Variants in TBC1D30 observed in about 807,000 individuals in gnomAD.
TBC1D30 encodes the protein TBC1 domain family member 30.
TBC1D30 carries 31 observed loss-of-function variants against 63.2 expected under a neutral mutation model. The observed-to-expected ratio is 0.49, with a 90% confidence interval of 0.37 to 0.66. The LOEUF (loss-of-function observed/expected upper bound fraction) is 0.66. TBC1D30 is among the 30% of genes least tolerant of loss of function. The pLI, the probability that TBC1D30 is intolerant of heterozygous loss-of-function variation, is 0.00. For synonymous variants in TBC1D30, 307 were observed against 361.5 expected, an observed-to-expected ratio of 0.85 and a Z score of 1.71; for missense variants, 810 against 953.6, an observed-to-expected ratio of 0.85 and a Z score of 1.98.
chr12:64,829,945 G>C (rs1289066317), intron 3 of TBC1D30, among the ~76,000 whole-genome samples: 2 of 152,180 alleles, frequency 1.3e-5, no homozygotes, highest in Admixed American at 1.3e-4. Context: ...TAAAGGCAGA[G>C]GCCACTCCAT....
intron 8 of TBC1D30, among the ~76,000 whole-genome samples, chr12:64,858,583 T>A (rs1385215573): frequency 2.0e-5 from 3 of 152,186 alleles, no homozygotes; most frequent in East Asian, 3.8e-4. Flanking sequence ...GGGCCTGGAA[T>A]AGGGGCCCAG....
At chr12:64,833,464 C>G (rs1439103890) in intron 5 of TBC1D30, among the ~76,000 whole-genome samples, 1 of 152,114 alleles carries the variant, frequency 6.6e-6, no homozygotes, top group East Asian at 1.9e-4. Context: ...TTAAACTGCT[C>G]TTGATTGCAA....
At chr12:64,759,595 A>C (rs936832095) in exon 1 of TBC1D30, 1 of 318,628 alleles carries the variant, frequency 3.1e-6, no homozygotes, top group African/African-American at 2.3e-5. Context: ...GGAGAACCGG[A>C]GAAAAGGGCG....
intron 5 of TBC1D30, 121 bp downstream of exon 5, chr12:64,832,425 AC>A: frequency 2.1e-6 from 2 of 967,890 alleles, no homozygotes; most frequent in South Asian, 3.6e-5. Flanking sequence ...CTTTGTAATG[AC>A]CTATGATAGC....
intron 10 of TBC1D30, 48 bp from the exon 11 acceptor site, chr12:64,870,554 T>G: frequency 6.9e-7 from 1 of 1,456,392 alleles, no homozygotes; most frequent in Non-Finnish European, 9.3e-7. Context: ...CATTTACTCC[T>G]GTTCCCCTCC....
rs774145443 is a variant in TBC1D30, at chr12:64,807,918, G to GTTTTTTT, written c.644-19906_644-19900dup. 3.3e-4 allele frequency among the ~76,000 whole-genome samples: 31 copies of GTTTTTTT among 93,498 alleles called. 3 individuals are homozygous for GTTTTTTT. Among genetic ancestry groups the GTTTTTTT allele is most frequent in the African/African-American group, 1.3e-3 (23 of 18,122 alleles). The allele number at this position is 93,498 out of a possible 152,430, so 61.3% of individuals were successfully genotyped here. A position where few individuals can be genotyped will look rare whatever the true frequency, so the allele number is the denominator to read the frequency against. ...GCCCATGCCACCCTGCCTAATTTAA[G>GTTTTTTT]TTTTTTTTTTTTTTTTTGTAGAGCT... On this transcript the variant is annotated intron_variant, in intron 2 of 12. Coordinates refer to the TBC1D30 transcript ENST00000542120.
At chr12:64,783,247 G>A (rs1327487074) in intron 1 of TBC1D30, among the ~76,000 whole-genome samples, 1 of 152,144 alleles carries the variant, frequency 6.6e-6, no homozygotes, top group Non-Finnish European at 1.5e-5. Flanking sequence ...TATTTCCTTG[G>A]TTAAGGGGAT....
At chr12:64,813,334 G>A (rs1443807049) in intron 2 of TBC1D30, among the ~76,000 whole-genome samples, 1 of 152,140 alleles carries the variant, frequency 6.6e-6, no homozygotes, top group Non-Finnish European at 1.5e-5. Flanking sequence ...AGGTTGCAGT[G>A]AGCCGAGATT....
upstream of TBC1D30, among the ~76,000 whole-genome samples, chr12:64,824,315 T>G (rs1874090288): frequency 6.6e-6 from 1 of 152,090 alleles, no homozygotes; most frequent in Non-Finnish European, 1.5e-5. Flanking sequence ...TGCGGTTGGG[T>G]CATGGCCCCT....
At chr12:64,818,264 T>C (rs559153602) in intron 2 of TBC1D30, among the ~76,000 whole-genome samples, 7 of 152,250 alleles carry the variant, frequency 4.6e-5, no homozygotes, top group African/African-American at 1.4e-4. Context: ...CCTTGGCCTG[T>C]TTTCAGGTGA....
At chr12:64,803,350 T>C (rs929087682) in intron 2 of TBC1D30, among the ~76,000 whole-genome samples, 1 of 152,142 alleles carries the variant, frequency 6.6e-6, no homozygotes, top group African/African-American at 2.4e-5. Context: ...GGTTGTTTGA[T>C]TTTTTTCTTG....
At chr12:64,802,482 GTTTCTTTC>G (rs563607475) in intron 2 of TBC1D30, among the ~76,000 whole-genome samples, 2 of 151,786 alleles carry the variant, frequency 1.3e-5, no homozygotes, top group South Asian at 2.1e-4. Flanking sequence ...CACCAATTTT[GTTTCTTTC>G]TTTCTTTCTT....
intron 1 of TBC1D30, among the ~76,000 whole-genome samples, chr12:64,760,884 C>T (rs1870483142): frequency 1.3e-5 from 2 of 150,820 alleles, no homozygotes; most frequent in African/African-American, 2.4e-5. Flanking sequence ...AGGGGTAATG[C>T]GCGGAGTCCT....
intron 1 of TBC1D30, among the ~76,000 whole-genome samples, chr12:64,773,445 G>A (rs1005112465): frequency 6.6e-6 from 1 of 151,838 alleles, no homozygotes; most frequent in African/African-American, 2.4e-5. Flanking sequence ...ACTGGGAGAG[G>A]AAGTATATCC....
upstream of TBC1D30, among the ~76,000 whole-genome samples, chr12:64,819,676 C>T (rs1873772786): frequency 6.6e-6 from 1 of 152,142 alleles, no homozygotes; most frequent in South Asian, 2.1e-4. Context: ...AGCCACTGCA[C>T]TCGGCCTTGA....
chr12:64,776,814 A>T (rs1232624899), upstream of TBC1D30, among the ~76,000 whole-genome samples: 2 of 152,188 alleles, frequency 1.3e-5, no homozygotes, highest in Admixed American at 1.3e-4. Flanking sequence ...CTACAAAAAA[A>T]CTTCAGGCCA....
At chr12:64,801,085 C>T (rs58606781) in intron 2 of TBC1D30, among the ~76,000 whole-genome samples, 4,935 of 152,176 alleles carry the variant, frequency 0.032, 295 homozygotes, top group African/African-American at 0.11. Context: ...CTCACCATTC[C>T]CTATACTTAT....
At chr12:64,817,090 G>A (rs1270385721) in intron 2 of TBC1D30, among the ~76,000 whole-genome samples, 1 of 152,168 alleles carries the variant, frequency 6.6e-6, no homozygotes, top group Non-Finnish European at 1.5e-5. Flanking sequence ...TAATTTCACA[G>A]TTTCTACCAA....
At chr12:64,825,161 G>A in intron 1 of TBC1D30, 128 bp downstream of exon 1, 3 of 1,330,926 alleles carry the variant, frequency 2.3e-6, no homozygotes, top group East Asian at 2.6e-5. Context: ...CTGGTGCGGG[G>A]CACCGCGTTG....
Sources: allele counts gnomAD v4.1 joint callset (sites outside exome capture counted in the v4.1 genomes callset), GRCh38; gene constraint gnomAD v4.1.1; transcripts MANE v1.5; gene names NCBI Gene and HGNC (gene_info 2026-07-23, HGNC 2026-07-21).